PCLAF: variants seen among roughly 807,000 people sequenced by gnomAD.
PCLAF encodes the protein PCNA-associated factor.
In PCLAF, 12 loss-of-function variants were observed where a neutral mutation model predicts 15.1. The ratio of observed to expected loss-of-function variants is 0.79; its 90% CI spans 0.51 to 1.29. The LOEUF is 1.29. Ranked by LOEUF, PCLAF falls within the 50% of genes most tolerant of loss-of-function variation. The pLI, the probability that PCLAF is intolerant of heterozygous loss-of-function variation, is 0.00. For synonymous variants in PCLAF, 33 were observed against 47.1 expected, an observed-to-expected ratio of 0.70 and a Z score of 1.22; for missense variants, 116 against 130.9, an observed-to-expected ratio of 0.89 and a Z score of 0.56.
intron 3 of PCLAF, among the ~76,000 whole-genome samples, chr15:64,372,203 G>A (rs1041044874): frequency 3.3e-5 from 5 of 152,192 alleles, no homozygotes; most frequent in African/African-American, 9.6e-5. Flanking sequence ...ATTGGAATGG[G>A]TGATAGGAAA....
chr15:64,364,341 C>T lies in PCLAF; in HGVS notation c.*1689G>A, dbSNP rs1291199404. 5 of 152,122 alleles carry T rather than the reference C, an allele frequency of 3.3e-5. No individual in the cohort carries two copies. The highest frequency in any genetic ancestry group is 2.1e-4 in the South Asian group (1 of 4,834). The allele number at this position is 152,122 out of a possible 1,614,324, so 9.4% of individuals were successfully genotyped here. On this transcript the variant is annotated 3_prime_UTR_variant, in exon 4 of 4. Coordinates refer to ENST00000300035, the MANE Select transcript of PCLAF (RefSeq NM_014736.6). Reference sequence around the variant, plus strand: ...AAAATAAGTATGCATTTATTACAAACGTATTTCAGAAAAATATGCCTACTA... The same window carrying T: ...AAAATAAGTATGCATTTATTACAAATGTATTTCAGAAAAATATGCCTACTA...
chr15:64,374,689 A>G (rs1034301441), intron 3 of PCLAF, among the ~76,000 whole-genome samples: 1 of 152,072 alleles, frequency 6.6e-6, no homozygotes, highest in African/African-American at 2.4e-5. Context: ...TACCAAAAAC[A>G]CAAAAAATTA....
chr15:64,378,474 G>A (rs1052492581), intron 2 of PCLAF, among the ~76,000 whole-genome samples: 2 of 151,996 alleles, frequency 1.3e-5, no homozygotes, highest in African/African-American at 2.4e-5. Flanking sequence ...GTTTTGCCAC[G>A]TTGTCCAGGC....
chr15:64,378,924 A>T lies in PCLAF; in HGVS notation c.128-2019T>A, dbSNP rs372697275. 1.1e-3 allele frequency among the ~76,000 whole-genome samples: 174 copies of T among 152,096 alleles called. No homozygotes were observed. In the Middle Eastern group the frequency reaches 0.014, roughly 12 times the overall value. ...AGACTGTGTCTCAGAAAAAAAAAAA[A>T]ATATAGCAGCAACAGGTTCAAACCC... On this transcript the variant is annotated intron_variant, in intron 2 of 3. Transcript: ENST00000300035.
intron 3 of PCLAF, among the ~76,000 whole-genome samples, chr15:64,372,500 G>A (rs932659473): frequency 6.6e-6 from 1 of 152,106 alleles, no homozygotes; most frequent in African/African-American, 2.4e-5. Flanking sequence ...TGTAGTCCCA[G>A]CTGCTGGGGA....
chr15:64,378,902 C>A (rs1174125929), intron 2 of PCLAF, among the ~76,000 whole-genome samples: 1 of 150,890 alleles, frequency 6.6e-6, no homozygotes, highest in Admixed American at 6.6e-5. Flanking sequence ...CAGAGCGAGA[C>A]TGTGTCTCAG....
chr15:64,387,682 G>A (rs1319025905), exon 1 of PCLAF: 3 of 1,408,162 alleles, frequency 2.1e-6, no homozygotes, highest in Non-Finnish European at 2.8e-6. Context: ...CAAGGAAGTA[G>A]ACAACAAAGC....
At chr15:64,381,295 C>G in intron 1 of PCLAF, 31 bp downstream of exon 1, 1 of 1,610,994 alleles carries the variant, frequency 6.2e-7, no homozygotes, top group Non-Finnish European at 8.5e-7. Context: ...AGGACCCCCC[C>G]GCCCTCCAGT....
chr15:64,365,665 G>A lies in PCLAF; in HGVS notation c.*365C>T, dbSNP rs1259098828. 4.8e-6 allele frequency: 1 copy of A among 209,824 alleles called. No individual in the cohort carries two copies. The highest frequency in any genetic ancestry group is 9.4e-6 in the Non-Finnish European group (1 of 105,960). 13.0% of individuals were successfully genotyped at this position (209,824 alleles called of 1,614,324 possible). Reference sequence around the variant, plus strand: ...AGCAAGTAGAAGGAGTGACAATATGGCACCATTCCAATAATCAAACACCAA... The same window carrying A: ...AGCAAGTAGAAGGAGTGACAATATGACACCATTCCAATAATCAAACACCAA... On this transcript the variant is annotated 3_prime_UTR_variant, in exon 4 of 4. Transcript: ENST00000300035.
At chr15:64,371,311 G>T (rs1280691787) in intron 3 of PCLAF, among the ~76,000 whole-genome samples, 1 of 151,750 alleles carries the variant, frequency 6.6e-6, no homozygotes, top group African/African-American at 2.4e-5. Context: ...CCCAGGCTAG[G>T]CTAGAGTGCA....
intron 3 of PCLAF, chr15:64,373,304 A>T (rs1899431093): frequency 6.1e-6 from 1 of 164,180 alleles, no homozygotes; most frequent in African/African-American, 2.4e-5. Context: ...TTTATCATCT[A>T]GTCAAATCCT....
chr15:64,375,965 G>A (rs992776380), intron 3 of PCLAF, among the ~76,000 whole-genome samples: 3 of 152,130 alleles, frequency 2.0e-5, no homozygotes, highest in East Asian at 1.9e-4. Flanking sequence ...AGTGGCTCAC[G>A]CCTGTAATCC....
At chr15:64,384,027 G>T (rs1411794218), upstream of PCLAF, among the ~76,000 whole-genome samples, 1 of 151,476 alleles carries the variant, frequency 6.6e-6, no homozygotes. Flanking sequence ...TTTTTATAAT[G>T]AAATAAAACA....
upstream of PCLAF, among the ~76,000 whole-genome samples, chr15:64,386,209 TC>T (rs1328278326): frequency 6.6e-6 from 1 of 152,064 alleles, no homozygotes; most frequent in Non-Finnish European, 1.5e-5. Flanking sequence ...TAATAAACAT[TC>T]ACAGAGTATT....
At chr15:64,382,176 A>AC, upstream of PCLAF, among the ~76,000 whole-genome samples, 1 of 152,064 alleles carries the variant, frequency 6.6e-6, no homozygotes, top group Middle Eastern at 3.4e-3. Flanking sequence ...AGATCGCTTG[A>AC]CCCCAGGAGG....
At chr15:64,386,894 A>G (rs1025895381) in intron 1 of PCLAF, among the ~76,000 whole-genome samples, 3 of 152,190 alleles carry the variant, frequency 2.0e-5, no homozygotes, top group Non-Finnish European at 2.9e-5. Flanking sequence ...CCAGAAATGA[A>G]TGGGAAGACA....
intron 3 of PCLAF, among the ~76,000 whole-genome samples, chr15:64,367,318 A>C (rs1017062718): frequency 6.6e-6 from 1 of 151,898 alleles, no homozygotes; most frequent in Non-Finnish European, 1.5e-5. Flanking sequence ...AGCCTGGCCA[A>C]CATGGTGAAA....
intron 2 of PCLAF, 53 bp downstream of exon 2, chr15:64,380,905 G>A (rs1011068030): frequency 1.6e-5 from 23 of 1,458,408 alleles, no homozygotes; most frequent in Non-Finnish European, 2.0e-5. Flanking sequence ...TGGCAAGCCA[G>A]GGGCTTGCAG....
chr15:64,370,432 A>C (rs1056410768), intron 3 of PCLAF, among the ~76,000 whole-genome samples: 1 of 150,326 alleles, frequency 6.7e-6, no homozygotes, highest in Non-Finnish European at 1.5e-5. Flanking sequence ...CAATGGCATG[A>C]TCTCGGCTCA....
Sources: gnomAD v4.1 joint callset for allele counts (sites outside exome capture counted in the v4.1 genomes callset) on GRCh38, gnomAD v4.1.1 for gene constraint, MANE v1.5 for transcripts, NCBI Gene and HGNC (gene_info 2026-07-23, HGNC 2026-07-21) for gene names.